Variants in KDM4B observed in about 807,000 individuals in gnomAD.
KDM4B encodes lysine demethylase 4B.
KDM4B carries 32 observed loss-of-function variants against 125.2 expected under a neutral mutation model. The ratio of observed to expected loss-of-function variants is 0.26; its 90% CI spans 0.19 to 0.34. The LOEUF (loss-of-function observed/expected upper bound fraction) is 0.34, where lower values mean the gene tolerates loss of function less well. KDM4B is among the 10% of genes least tolerant of loss of function. The pLI, the probability that KDM4B is intolerant of heterozygous loss-of-function variation, is 1.00. For synonymous variants in KDM4B, 721 were observed against 677.9 expected, an observed-to-expected ratio of 1.06 and a Z score of -0.99; for missense variants, 1,190 against 1,577.7, an observed-to-expected ratio of 0.75 and a Z score of 4.16.
chr19:5,134,316 C>G (rs755552919), intron 14 of KDM4B, among the ~76,000 whole-genome samples: 2 of 152,126 alleles, frequency 1.3e-5, no homozygotes, highest in African/African-American at 4.8e-5. Context: ...TGCGGAGGCT[C>G]GGGGTCACTG....
intron 1 of KDM4B, among the ~76,000 whole-genome samples, chr19:4,986,990 T>C (rs1374401100): frequency 6.6e-6 from 1 of 151,880 alleles, no homozygotes; most frequent in Non-Finnish European, 1.5e-5. Context: ...GGAGTCTTGC[T>C]CTGTCGCCTA....
intron 2 of KDM4B, among the ~76,000 whole-genome samples, chr19:5,027,092 G>C (rs998882579): frequency 1.3e-5 from 2 of 152,222 alleles, no homozygotes; most frequent in Non-Finnish European, 2.9e-5. Flanking sequence ...CAGAGAAAGG[G>C]GTCTCCAAGG....
At chr19:5,079,883 T>C (rs2038234212) in intron 8 of KDM4B, among the ~76,000 whole-genome samples, 1 of 152,180 alleles carries the variant, frequency 6.6e-6, no homozygotes, top group Non-Finnish European at 1.5e-5. Context: ...TAGGTTTTTT[T>C]TTAAAAAGCC....
chr19:5,028,598 G>A (rs1174504280), intron 2 of KDM4B, among the ~76,000 whole-genome samples: 3 of 152,210 alleles, frequency 2.0e-5, no homozygotes, highest in African/African-American at 7.2e-5. Flanking sequence ...ATACGCAGGA[G>A]TGGAATTGCT....
intron 9 of KDM4B, among the ~76,000 whole-genome samples, chr19:5,109,501 C>G (rs1855904082): frequency 6.6e-6 from 1 of 152,142 alleles, no homozygotes; most frequent in South Asian, 2.1e-4. Context: ...AGCGGCAGGT[C>G]TGCCCGGCAG....
chr19:4,981,696 C>A (rs2034648747), intron 1 of KDM4B, among the ~76,000 whole-genome samples: 3 of 152,166 alleles, frequency 2.0e-5, no homozygotes, highest in African/African-American at 7.2e-5. Flanking sequence ...GCTGTACAGT[C>A]AGCCCAGTGC....
chr19:5,106,491 C>T (rs182593225), intron 9 of KDM4B, among the ~76,000 whole-genome samples: 1 of 152,226 alleles, frequency 6.6e-6, no homozygotes, highest in East Asian at 1.9e-4. Flanking sequence ...CACTGGGGGC[C>T]GAGTAGGGGC....
intron 9 of KDM4B, 21 bp from the exon 10 acceptor site, chr19:5,110,599 TCA>T: frequency 6.2e-7 from 1 of 1,612,306 alleles, no homozygotes; most frequent in Non-Finnish European, 8.5e-7. Flanking sequence ...GCGCGAGGGC[TCA>T]GACCGTGTCC....
rs898694352 is a variant in KDM4B, at chr19:5,141,816, C to T, written c.2551-2151C>T. Among the ~76,000 whole-genome samples the T allele has an allele frequency of 1.1e-4, 16 of 152,038 alleles. No homozygotes were observed. Among genetic ancestry groups the T allele is most frequent in the Non-Finnish European group, 1.5e-4 (10 of 67,976 alleles). ...GGTTCCTGGCAGCAGGCAAAAGCAC[C>T]GGGAGCTCCCTGGAGGATCTGGGAG... On this transcript the variant is annotated intron_variant, in intron 18 of 22. Transcript: ENST00000159111. The surrounding 1 kb of genome is among the most constrained non-coding windows in gnomAD (Gnocchi z 6.4).
intron 2 of KDM4B, among the ~76,000 whole-genome samples, chr19:5,026,300 C>T (rs561113290): frequency 2.0e-5 from 3 of 152,008 alleles, no homozygotes; most frequent in East Asian, 2.0e-4. Context: ...GCTGGGATTA[C>T]AGGCGTGAGC....
chr19:5,144,179 C>T lies in KDM4B; in HGVS notation c.2736+27C>T, dbSNP rs376919200. 4.8e-5 allele frequency: 77 copies of T among 1,592,198 alleles called. No individual in the cohort carries two copies. The Middle Eastern group carries it at 5.0e-4, about 10-fold the overall frequency. On this transcript the variant is annotated intron_variant, in intron 19 of 22. Transcript: ENST00000159111. ...TGAGTGCCTGCCCGCCTCCTTGCCC[C>T]CAGCCCCTGGCTCCCGCCCCCACCG...
At chr19:5,028,576 T>C (rs2145597372) in intron 2 of KDM4B, among the ~76,000 whole-genome samples, 1 of 152,306 alleles carries the variant, frequency 6.6e-6, no homozygotes, top group East Asian at 1.9e-4. Context: ...TGTTTTCATT[T>C]CTCTTGGGCA....
chr19:5,005,312 G>A (rs749424014), intron 1 of KDM4B, among the ~76,000 whole-genome samples: 12 of 152,320 alleles, frequency 7.9e-5, no homozygotes, highest in East Asian at 3.9e-4. Flanking sequence ...TTACCAAACC[G>A]TCCTTCCCAG....
intron 3 of KDM4B, among the ~76,000 whole-genome samples, chr19:5,033,741 T>C (rs9636178): frequency 0.21 from 32,160 of 152,070 alleles, 4,506 homozygotes; most frequent in East Asian, 0.65. Flanking sequence ...AGCACTGTTA[T>C]TGGTTCTTCT....
chr19:5,150,298 T>C, intron 21 of KDM4B, 60 bp from the exon 22 acceptor site: 1 of 1,449,364 alleles, frequency 6.9e-7, no homozygotes, highest in Non-Finnish European at 9.5e-7. Context: ...GGCCGTGGCC[T>C]GCCTGGAGCA....
Position 5,135,366 on chromosome 19 carries a change from A to G in KDM4B, c.2113A>G (p.Ile705Val). 3.7e-6 allele frequency: 6 copies of G among 1,612,764 alleles called. No homozygotes were observed. The highest frequency in any genetic ancestry group is 5.1e-6 in the Non-Finnish European group (6 of 1,179,380). Residue 705 changes from isoleucine (I) to valine (V), a missense_variant, in exon 15 of 23, where the codon ATA becomes GTA. By Grantham distance (29) the Ile-to-Val change is conservative. Transcript: ENST00000159111. ...CCTACAGACTGAGAAGGAGGCACCC[A>G]TAGCCTCCCTCGGAGAGGGCTGCCC... ...QALQTEKEAP[I>V]ASLGEGCPAT... is the part of the protein sequence containing the mutation.
At chr19:5,119,967 C>G (rs2039330624) in intron 11 of KDM4B, 115 bp downstream of exon 11, 2 of 1,303,164 alleles carry the variant, frequency 1.5e-6, no homozygotes, top group South Asian at 1.5e-5. Context: ...GAATCTGATT[C>G]AGTGGCTTTC....
intron 5 of KDM4B, 53 bp downstream of exon 5, chr19:5,041,304 G>C (rs946105416): frequency 1.4e-6 from 2 of 1,424,390 alleles, no homozygotes; most frequent in East Asian, 4.6e-5. Flanking sequence ...GTGGGTGGTG[G>C]TGGGAGGGCC....
chr19:4,984,202 A>T (rs62114277), intron 1 of KDM4B, among the ~76,000 whole-genome samples: 44,301 of 152,106 alleles, frequency 0.29, 7,561 homozygotes, highest in East Asian at 0.69. Flanking sequence ...GCCCCAATCC[A>T]GAGTGGCGCT....
Sources: gnomAD v4.1 joint callset for allele counts (sites outside exome capture counted in the v4.1 genomes callset) on GRCh38, gnomAD v4.1.1 for gene constraint, Gnocchi (gnomAD v3.1) non-coding constraint, MANE v1.5 for transcripts, NCBI Gene and HGNC (gene_info 2026-07-23, HGNC 2026-07-21) for gene names.